TCF7L2: variants seen among roughly 807,000 people sequenced by gnomAD.
TCF7L2 encodes the protein transcription factor 7-like 2.
A neutral mutation model predicts 77.9 loss-of-function variants in TCF7L2; 23 were observed. The observed-to-expected ratio is 0.30, with a 90% confidence interval of 0.21 to 0.42. TCF7L2 has a LOEUF of 0.42. TCF7L2 is among the 10% of genes least tolerant of loss of function. The pLI, the probability that TCF7L2 is intolerant of heterozygous loss-of-function variation, is 1.00. For missense variants in TCF7L2, 654 were observed against 793.1 expected (o/e 0.82, Z 2.11); for synonymous variants, 413 against 340.2 (o/e 1.21, Z -2.36).
intron 5 of TCF7L2, among the ~76,000 whole-genome samples, chr10:113,057,836 C>T (rs1251554157): frequency 6.6e-6 from 1 of 152,166 alleles, no homozygotes; most frequent in Non-Finnish European, 1.5e-5. Flanking sequence ...TCTGTGCTCT[C>T]TGTCGGCTGA....
In TCF7L2 at chr10:112,950,634, C is replaced by T; in HGVS notation, c.-123C>T. The T allele has an allele frequency of 8.2e-7, 1 of 1,217,766 alleles. No homozygotes were observed. Among genetic ancestry groups the T allele is most frequent in the Non-Finnish European group, 1.1e-6 (1 of 888,000 alleles). The allele number at this position is 1,217,766 out of a possible 1,614,324, so 75.4% of individuals were successfully genotyped here. Reference sequence around the variant, plus strand: ...GACCCCCAAGCAGAAAAAAGTTCACCTTGGACTCGTCTTTTTCTTGCAATA... The same window carrying T: ...GACCCCCAAGCAGAAAAAAGTTCACTTTGGACTCGTCTTTTTCTTGCAATA... On this transcript the variant is annotated 5_prime_UTR_variant, in exon 1 of 14. Coordinates refer to ENST00000627217, the MANE Select transcript of TCF7L2 (RefSeq NM_001146274.2).
chr10:112,958,532 A>G (rs2034261401), intron 3 of TCF7L2, among the ~76,000 whole-genome samples: 2 of 151,922 alleles, frequency 1.3e-5, no homozygotes, highest in Admixed American at 1.3e-4. Flanking sequence ...CCATCCCAAC[A>G]TGTGGTAAAT....
chr10:113,052,219 C>G (rs2054597669), intron 5 of TCF7L2, among the ~76,000 whole-genome samples: 1 of 152,164 alleles, frequency 6.6e-6, no homozygotes, highest in Non-Finnish European at 1.5e-5. Flanking sequence ...AGGGTTTGTA[C>G]TTGGACCTGC....
chr10:113,020,923 G>A (rs769863814), intron 4 of TCF7L2, among the ~76,000 whole-genome samples: 2 of 152,054 alleles, frequency 1.3e-5, no homozygotes, highest in Non-Finnish European at 2.9e-5. Context: ...ACTGAAGGTC[G>A]GAGAGACTAA....
At chr10:113,025,281 A>T (rs1304472308) in intron 4 of TCF7L2, among the ~76,000 whole-genome samples, 1 of 137,874 alleles carries the variant, frequency 7.3e-6, no homozygotes, top group African/African-American at 2.8e-5. Flanking sequence ...TCTGGTGCCC[A>T]GGCTGGAGTG....
intron 5 of TCF7L2, among the ~76,000 whole-genome samples, chr10:113,100,246 G>A (rs1013082429): frequency 6.6e-6 from 1 of 152,216 alleles, no homozygotes; most frequent in Non-Finnish European, 1.5e-5. Flanking sequence ...GAACGAAGTA[G>A]CCAGGAAACA....
intron 4 of TCF7L2, among the ~76,000 whole-genome samples, chr10:112,974,972 T>C (rs1219064010): frequency 1.9e-5 from 2 of 105,224 alleles, no homozygotes; most frequent in Non-Finnish European, 3.8e-5. Flanking sequence ...TTGCTTCTTT[T>C]TTTTTCTTTT....
At chr10:113,060,491 G>T (rs2056258311) in intron 5 of TCF7L2, among the ~76,000 whole-genome samples, 1 of 152,062 alleles carries the variant, frequency 6.6e-6, no homozygotes, top group Middle Eastern at 3.2e-3. Flanking sequence ...CAGGGGAGAG[G>T]TTTCTGTTCT....
intron 5 of TCF7L2, among the ~76,000 whole-genome samples, chr10:113,092,615 T>A (rs923528323): frequency 5.3e-5 from 8 of 152,098 alleles, no homozygotes; most frequent in South Asian, 2.1e-4. Flanking sequence ...GTGTGGTGGG[T>A]CATGCCTGTA....
At chr10:113,043,134 C>T (rs768704239) in intron 5 of TCF7L2, among the ~76,000 whole-genome samples, 1 of 152,196 alleles carries the variant, frequency 6.6e-6, no homozygotes, top group Admixed American at 6.5e-5. Flanking sequence ...TCTAATGTCT[C>T]GCTTGAAGAA....
At chr10:113,118,282 A>G (rs2064153317) in intron 5 of TCF7L2, among the ~76,000 whole-genome samples, 1 of 152,134 alleles carries the variant, frequency 6.6e-6, no homozygotes, top group Non-Finnish European at 1.5e-5. Context: ...GGCTTGGACT[A>G]TTTGGACGAG....
rs1259517333 is a variant in TCF7L2, at chr10:113,025,900, T to TA, written c.451-14124dup. Among the ~76,000 whole-genome samples the TA allele has an allele frequency of 3.3e-5, 5 of 151,208 alleles. No individual in the cohort carries two copies. In the East Asian group the frequency reaches 9.7e-4, roughly 29 times the overall value. On this transcript the variant is annotated intron_variant, in intron 4 of 13. Coordinates refer to ENST00000627217, the MANE Select transcript of TCF7L2 (RefSeq NM_001146274.2). Reference sequence around the variant, plus strand: ...AGTTAATTTTTTTTTTTTTTTTAGATAGAGTCTTGCTCTGTTACCCAGGGT... The same window carrying TA: ...AGTTAATTTTTTTTTTTTTTTTAGATAAGAGTCTTGCTCTGTTACCCAGGGT...
intron 5 of TCF7L2, among the ~76,000 whole-genome samples, chr10:113,124,844 C>T (rs554245820): frequency 5.9e-5 from 9 of 151,840 alleles, no homozygotes; most frequent in South Asian, 2.1e-4. Context: ...TTCAACTTTG[C>T]GGCACCCTAA....
chr10:112,963,905 T>C (rs925528963), intron 3 of TCF7L2, among the ~76,000 whole-genome samples: 25 of 152,228 alleles, frequency 1.6e-4, no homozygotes, highest in African/African-American at 5.8e-4. Context: ...TTTCTGGCAG[T>C]GTTTGGCCCT....
intron 5 of TCF7L2, among the ~76,000 whole-genome samples, chr10:113,064,091 T>C (rs1186646704): frequency 6.6e-6 from 1 of 152,034 alleles, no homozygotes; most frequent in Non-Finnish European, 1.5e-5. Flanking sequence ...TCAGGTGGAG[T>C]CCCTGCCATT....
chr10:113,142,640 T>A (rs2068580529), intron 6 of TCF7L2, among the ~76,000 whole-genome samples: 1 of 152,212 alleles, frequency 6.6e-6, no homozygotes, highest in African/African-American at 2.4e-5. Flanking sequence ...GAGCTGGGTT[T>A]TACTGGTCTC....
At chr10:113,138,825 C>G (rs1332533530) in intron 5 of TCF7L2, among the ~76,000 whole-genome samples, 2 of 152,116 alleles carry the variant, frequency 1.3e-5, no homozygotes, top group Admixed American at 1.3e-4. Context: ...GCCCAGGATG[C>G]TTGGGTCCTG....
At chr10:113,146,901 T>TA (rs138431211) in intron 8 of TCF7L2, among the ~76,000 whole-genome samples, 15,469 of 150,854 alleles carry the variant, frequency 0.1, 1,192 homozygotes, top group East Asian at 0.26. Flanking sequence ...CTTTGAAAGT[T>TA]AAAAAAAAAC....
At chr10:113,165,057 A>G (rs894727629) in intron 13 of TCF7L2, among the ~76,000 whole-genome samples, 2 of 152,022 alleles carry the variant, frequency 1.3e-5, no homozygotes, top group Non-Finnish European at 2.9e-5. Context: ...ACACACACAC[A>G]CTCACACTCA....
Sources: allele counts gnomAD v4.1 joint callset (sites outside exome capture counted in the v4.1 genomes callset), GRCh38; gene constraint gnomAD v4.1.1; transcripts MANE v1.5; gene names NCBI Gene and HGNC (gene_info 2026-07-23, HGNC 2026-07-21).